TNC: variants seen among roughly 807,000 people sequenced by gnomAD.
TNC encodes tenascin C.
TNC carries 109 observed loss-of-function variants against 202.4 expected under a neutral mutation model. That is an observed-to-expected ratio of 0.54 (90% confidence interval 0.46 to 0.63). The LOEUF (loss-of-function observed/expected upper bound fraction) is 0.63, where lower values mean the gene tolerates loss of function less well. Among genes scored for constraint, TNC ranks in the 30% least tolerant of loss-of-function variants. The pLI is 0.00. For missense variants in TNC, 2,756 were observed against 2,833.3 expected (o/e 0.97, Z 0.62); for synonymous variants, 1,007 against 1,089.7 (o/e 0.92, Z 1.50).
In TNC at chr9:115,057,165, T is replaced by A; in HGVS notation, c.4567A>T (p.Thr1523Ser). Residue 1523 changes from threonine (T) to serine (S), a missense_variant, in exon 15 of 28, where the codon ACA becomes TCA. By Grantham distance (58) the Thr-to-Ser change is moderately conservative (BLOSUM62 1). This residue lies in a region of TNC where 2,559 missense variants were observed against 2,546.0 expected (regional missense o/e 1.01). Transcript: ENST00000350763. ...AATGCACATGTACCTGTCGTGGCTG[T>A]GGCACTGATGGTTTTGGTCCGGATG... ...PSIRTKTISA[T>S]ATTEALPLLE... 1 of 1,612,728 alleles carries A rather than the reference T, an allele frequency of 6.2e-7. No individual in the cohort carries two copies. Among genetic ancestry groups the A allele is most frequent in the Non-Finnish European group, 8.5e-7 (1 of 1,179,204 alleles).
chr9:115,021,305 GA>G, intron 27 of TNC, 38 bp from the exon 28 acceptor site: 1 of 1,472,278 alleles, frequency 6.8e-7, no homozygotes, highest in Non-Finnish European at 9.4e-7. Flanking sequence ...GAGAGAGAGA[GA>G]AGGCCTCCAG....
At chr9:115,034,540 C>G (rs932482286) in intron 22 of TNC, among the ~76,000 whole-genome samples, 8 of 152,070 alleles carry the variant, frequency 5.3e-5, no homozygotes, top group Non-Finnish European at 1.0e-4. Flanking sequence ...GCAACATATT[C>G]TTAGAGATAA....
intron 1 of TNC, among the ~76,000 whole-genome samples, chr9:115,096,089 A>T (rs1377702420): frequency 1.3e-5 from 2 of 152,274 alleles, no homozygotes; most frequent in East Asian, 3.9e-4. Flanking sequence ...ATTAAAATTA[A>T]TTTTTAGAGT....
In TNC at chr9:115,076,429, G is replaced by C; in HGVS notation, c.2821C>G (p.Pro941Ala). ...SGGDHAEVDVPKSQQATTKTT... is the reference protein window; with the variant it reads ...SGGDHAEVDVAKSQQATTKTT... ...TTGGTTGTGGCTTGTTGGCTCTTTG[G>C]AACATCAACCTCAGCGTGGTCCCCT... Residue 941 changes from proline (P) to alanine (A), a missense_variant, in exon 8 of 28, where the codon CCA becomes GCA. Coordinates refer to ENST00000350763, the MANE Select transcript of TNC (RefSeq NM_002160.4). The C allele has an allele frequency of 6.2e-7, 1 of 1,614,108 alleles. No individual in the cohort carries two copies. Among genetic ancestry groups the C allele is most frequent in the Non-Finnish European group, 8.5e-7 (1 of 1,180,004 alleles).
chr9:115,109,535 TC>T (rs1836879831), intron 1 of TNC, among the ~76,000 whole-genome samples: 1 of 152,216 alleles, frequency 6.6e-6, no homozygotes, highest in South Asian at 2.1e-4. Flanking sequence ...TTTGTCTCCA[TC>T]CCACCCTTGA....
chr9:115,094,969 C>A (rs1212267102), intron 1 of TNC, among the ~76,000 whole-genome samples: 21 of 151,888 alleles, frequency 1.4e-4, no homozygotes, highest in Admixed American at 1.4e-3. Flanking sequence ...GGAATTGGTA[C>A]CCAATAGAAA....
rs780436379 is a variant in TNC at position 115,036,208 on chromosome 9, G to C, written c.5546C>G (p.Thr1849Arg). 3.1e-6 allele frequency: 5 copies of C among 1,614,150 alleles called. No homozygotes were observed. The highest frequency in any genetic ancestry group is 4.2e-6 in the Non-Finnish European group (5 of 1,180,012). Residue 1849 changes from threonine to arginine, a missense_variant, in exon 21 of 28, where the codon ACA (threonine) becomes AGA (arginine). Thr to Arg is a moderately conservative substitution (Grantham distance 71). Around this residue, in one of 2 missense-constraint regions of TNC, gnomAD observed 2,559 missense variants for 2,546.0 expected, o/e 1.01. Transcript: ENST00000350763. ...GAGGTCGGTCAGAGCATACTCCACTGTGTTCCCGGACACCGTGCGTGTAAT... is the reference window on the plus strand; with the variant it reads ...GAGGTCGGTCAGAGCATACTCCACTCTGTTCCCGGACACCGTGCGTGTAAT... Reference protein sequence around the residue: ...PEITRTVSGNTVEYALTDLEP... With the variant: ...PEITRTVSGNRVEYALTDLEP...
intron 10 of TNC, among the ~76,000 whole-genome samples, chr9:115,069,397 GA>G (rs1564466562): frequency 6.6e-6 from 1 of 151,728 alleles, no homozygotes; most frequent in Non-Finnish European, 1.5e-5. Flanking sequence ...AAAGCAGAGA[GA>G]AAAGGGAGAG....
rs139093455 is a variant in TNC at position 115,083,197 on chromosome 9, G to T, written c.2132-390C>A. Among the ~76,000 whole-genome samples the T allele has an allele frequency of 8.9e-4, 135 of 152,238 alleles. 1 individual carries two copies. The highest frequency in any genetic ancestry group is 3.2e-3 in the African/African-American group (131 of 41,534). On this transcript the variant is annotated intron_variant, in intron 4 of 27. Coordinates refer to ENST00000350763, the MANE Select transcript of TNC (RefSeq NM_002160.4). Reference sequence around the variant, plus strand: ...CTACTTCTTGGGAATGCATTGAGGAGTGAGTGATATACTCCACTCCAGTGT... The same window carrying T: ...CTACTTCTTGGGAATGCATTGAGGATTGAGTGATATACTCCACTCCAGTGT...
chr9:115,057,062 T>C lies in TNC; in HGVS notation c.4579+91A>G, dbSNP rs1238017478. The C allele has an allele frequency of 3.4e-6, 5 of 1,464,392 alleles. No individual in the cohort carries two copies. In the South Asian group the frequency reaches 6.8e-5, roughly 20 times the overall value. 90.7% of individuals were successfully genotyped at this position (1,464,392 alleles called of 1,614,324 possible). ...ATGGAAGAGTTAGTGCCCTGTGGCT[T>C]GTACATCAATGGGAGAGGAGAAGGA... On this transcript the variant is annotated intron_variant, in intron 15 of 27. Transcript: ENST00000350763.
intron 19 of TNC, 32 bp from the exon 20 acceptor site, chr9:115,038,412 T>C (rs1484371267): frequency 6.2e-7 from 1 of 1,611,012 alleles, no homozygotes; most frequent in Admixed American, 1.7e-5. Flanking sequence ...AGGAGGGAAG[T>C]CATTGGGTGG....
chr9:115,049,079 T>TG (rs386415986), intron 15 of TNC, among the ~76,000 whole-genome samples: 19 of 151,960 alleles, frequency 1.3e-4, no homozygotes, highest in African/African-American at 3.4e-4. Flanking sequence ...TAAGTTTTTT[T>TG]TGTGTCAAAA....
Position 115,036,217 on chromosome 9 carries a change from G to C in TNC, c.5537C>G (p.Ser1846Cys), listed in dbSNP as rs1310573179. The change falls in exon 21 of 28, where the codon TCC becomes TGC. Residue 1846 changes from serine (S) to cysteine (C), a missense_variant. Coordinates refer to ENST00000350763, the MANE Select transcript of TNC (RefSeq NM_002160.4). ...EKVPEITRTV[S>C]GNTVEYALTD... ...CAGAGCATACTCCACTGTGTTCCCG[G>C]ACACCGTGCGTGTAATTTCTGGCAC... is the stretch of plus-strand genomic sequence containing the variant. 6.2e-7 allele frequency: 1 copy of C among 1,613,958 alleles called. No homozygotes were observed. Among genetic ancestry groups the C allele is most frequent in the Non-Finnish European group, 8.5e-7 (1 of 1,179,994 alleles).
intron 1 of TNC, among the ~76,000 whole-genome samples, chr9:115,111,439 G>A (rs10119126): frequency 4.0e-5 from 4 of 98,960 alleles, no homozygotes; most frequent in African/African-American, 8.6e-5. Flanking sequence ...ATGGAATCTC[G>A]CTCTTGTTGC....
chr9:115,066,375 G>GT (rs1832951979), intron 10 of TNC, among the ~76,000 whole-genome samples: 1 of 152,046 alleles, frequency 6.6e-6, no homozygotes, highest in Non-Finnish European at 1.5e-5. Flanking sequence ...AGAACAAACT[G>GT]TTTTTTTCTA....
intron 3 of TNC, among the ~76,000 whole-genome samples, chr9:115,084,836 G>T (rs1269053927): frequency 6.6e-6 from 1 of 152,146 alleles, no homozygotes; most frequent in Non-Finnish European, 1.5e-5. Context: ...CCTAGCACTG[G>T]GAGGGTATTT....
chr9:115,022,006 G>C (rs990731746), intron 27 of TNC, among the ~76,000 whole-genome samples: 4 of 152,186 alleles, frequency 2.6e-5, no homozygotes, highest in Non-Finnish European at 5.9e-5. Flanking sequence ...TTTGGCCAAA[G>C]CTTTCTACAA....
intron 15 of TNC, among the ~76,000 whole-genome samples, chr9:115,052,538 G>C (rs371408904): frequency 2.6e-5 from 4 of 151,898 alleles, no homozygotes; most frequent in African/African-American, 9.7e-5. Context: ...ATGTTAATTA[G>C]GTTGATTCAA....
At chr9:115,065,278 C>T (rs1159770599) in intron 10 of TNC, among the ~76,000 whole-genome samples, 1 of 152,014 alleles carries the variant, frequency 6.6e-6, no homozygotes, top group Non-Finnish European at 1.5e-5. Flanking sequence ...CACCTGTAAT[C>T]CCAGCTACTC....
Sources: allele counts gnomAD v4.1 joint callset (sites outside exome capture counted in the v4.1 genomes callset), GRCh38; gene constraint gnomAD v4.1.1; regional missense constraint gnomAD v4.1.1; transcripts MANE v1.5; gene names NCBI Gene and HGNC (gene_info 2026-07-23, HGNC 2026-07-21).